The following SOBP variants were observed in gnomAD, a reference collection of about 807,000 sequenced individuals.
SOBP encodes the protein sine oculis binding protein homolog.
SOBP carries 4 observed loss-of-function variants against 53.6 expected under a neutral mutation model. The ratio of observed to expected loss-of-function variants is 0.07; its 90% CI spans 0.04 to 0.17. The LOEUF (loss-of-function observed/expected upper bound fraction) is 0.17, where lower values mean the gene tolerates loss of function less well. Ranked by LOEUF, SOBP falls within the 10% of genes least tolerant of loss-of-function variation. The pLI, the probability that SOBP is intolerant of heterozygous loss-of-function variation, is 1.00. For synonymous variants in SOBP, 584 were observed against 522.6 expected (o/e 1.12, Z -1.60); for missense variants, 1,088 against 1,204.7 (o/e 0.90, Z 1.43).
chr6:107,640,458 A>T (rs1479879240), intron 6 of SOBP, among the ~76,000 whole-genome samples: 1 of 152,206 alleles, frequency 6.6e-6, no homozygotes, highest in African/African-American at 2.4e-5. Flanking sequence ...TGGCACATAT[A>T]GTTCTAGGTA....
chr6:107,568,063 A>G (rs918837668), intron 4 of SOBP, among the ~76,000 whole-genome samples: 1 of 152,234 alleles, frequency 6.6e-6, no homozygotes, highest in African/African-American at 2.4e-5. Context: ...TTAGGTTTTT[A>G]TATACTGCTT....
At chr6:107,616,082 G>GGA (rs1786776711) in intron 5 of SOBP, among the ~76,000 whole-genome samples, 2 of 102,036 alleles carry the variant, frequency 2.0e-5, no homozygotes, top group African/African-American at 4.9e-5. Flanking sequence ...GAGGAAGGGG[G>GGA]GTGGGGGGGG....
Position 107,548,442 on chromosome 6 carries a change from T to C in SOBP, c.573+14832T>C, listed in dbSNP as rs555395575. On this transcript the variant is annotated intron_variant, in intron 4 of 6. Coordinates refer to ENST00000317357, the MANE Select transcript of SOBP (RefSeq NM_018013.4). ...TATTTTTAGTAGAGACAGGGTTTCA[T>C]TGTGTTAGCCAGGATGGTCTCCATC... 1.7e-3 allele frequency among the ~76,000 whole-genome samples: 256 copies of C among 151,972 alleles called. 1 individual carries two copies. Among genetic ancestry groups the C allele is most frequent in the African/African-American group, 4.4e-3 (181 of 41,496 alleles).
chr6:107,650,466 C>T (rs770018615), intron 6 of SOBP, among the ~76,000 whole-genome samples: 2 of 152,234 alleles, frequency 1.3e-5, no homozygotes, highest in African/African-American at 4.8e-5. Flanking sequence ...ATTTTTCCAA[C>T]AGCATGTGCT....
At chr6:107,558,864 AT>A (rs1784696314) in intron 4 of SOBP, among the ~76,000 whole-genome samples, 4 of 152,134 alleles carry the variant, frequency 2.6e-5, no homozygotes. Context: ...AGCAGTTGCC[AT>A]CTTCTCTAAA....
intron 4 of SOBP, among the ~76,000 whole-genome samples, chr6:107,563,116 G>A (rs1326643725): frequency 1.3e-5 from 2 of 151,880 alleles, no homozygotes; most frequent in Non-Finnish European, 2.9e-5. Context: ...AATTAGCTGG[G>A]CATGGTGGTG....
intron 3 of SOBP, among the ~76,000 whole-genome samples, chr6:107,522,537 CTTTTTT>C (rs71551313): frequency 4.0e-5 from 3 of 74,098 alleles, no homozygotes; most frequent in South Asian, 5.4e-4. Flanking sequence ...AGTATAAAAA[CTTTTTT>C]TTTTTTTTTT....
At chr6:107,569,125 A>G (rs370441441) in intron 4 of SOBP, among the ~76,000 whole-genome samples, 4 of 152,134 alleles carry the variant, frequency 2.6e-5, no homozygotes, top group African/African-American at 7.2e-5. Flanking sequence ...TAATATCCCA[A>G]ATATACAGGG....
At chr6:107,588,523 G>A (rs72945638) in intron 5 of SOBP, among the ~76,000 whole-genome samples, 11,509 of 152,144 alleles carry the variant, frequency 0.076, 452 homozygotes, top group Middle Eastern at 0.13. Context: ...TGTTCATTTC[G>A]GTTTTAATGT....
chr6:107,635,211 G>A lies in SOBP; in HGVS notation c.2367G>A (p.Lys789=), dbSNP rs374871542. 8 of 1,613,948 alleles carry A rather than the reference G, an allele frequency of 5.0e-6. No homozygotes were observed. The Middle Eastern group carries it at 6.6e-4, about 133-fold the overall frequency. ...ACCTGGACGGGGAGGCGGCCAAAAA[G>A]CTGATGGGCGAGGAGGCCCTGGCGG... is the stretch of plus-strand genomic sequence containing the variant. ...NCHLDGEAAK[K]LMGEEALAGG... The change falls in exon 6 of 7, where the codon AAG becomes AAA. Residue 789 remains lysine (K), a synonymous_variant. Transcript: ENST00000317357. The surrounding 1 kb of genome is among the most constrained non-coding windows in gnomAD (Gnocchi z 4.5).
rs80137552 is a variant in SOBP, at chr6:107,582,912, T to C, written c.574-4168T>C. Among the ~76,000 whole-genome samples the C allele has an allele frequency of 0.013, 1,935 of 152,290 alleles. 80 individuals carry two copies. The East Asian group carries it at 0.16, about 13-fold the overall frequency. ...TCTGCAGAGGATTTAAGAACAATAA[T>C]AAAACCAGCTAAAAGTTGGTCTGCT... On this transcript the variant is annotated intron_variant, in intron 4 of 6. Transcript: ENST00000317357.
rs527662378 is a variant in SOBP at position 107,637,988 on chromosome 6, C to T, written c.*3+2519C>T. On this transcript the variant is annotated intron_variant, in intron 6 of 6. Coordinates refer to ENST00000317357, the MANE Select transcript of SOBP (RefSeq NM_018013.4). ...CAATGATGGGTCCCCCAAGAAATTA[C>T]AGCTTTTCTTTAAAATCAGAAATAC... is the stretch of plus-strand genomic sequence containing the variant. Among the ~76,000 whole-genome samples the T allele has an allele frequency of 1.9e-3, 284 of 152,276 alleles. 1 individual carries two copies. Among genetic ancestry groups the T allele is most frequent in the African/African-American group, 6.3e-3 (263 of 41,558 alleles).
chr6:107,543,451 G>A (rs1408698207), intron 4 of SOBP, among the ~76,000 whole-genome samples: 1 of 152,242 alleles, frequency 6.6e-6, no homozygotes, highest in Non-Finnish European at 1.5e-5. Context: ...TGAATTGGGA[G>A]GGTGGGCTAT....
rs75733316 is a variant in SOBP at position 107,652,187 on chromosome 6, G to C, written c.*4-6020G>C. Among the ~76,000 whole-genome samples the C allele has an allele frequency of 4.1e-3, 628 of 152,214 alleles. 8 individuals are homozygous for C. Among genetic ancestry groups the C allele is most frequent in the African/African-American group, 0.014 (593 of 41,512 alleles). On this transcript the variant is annotated intron_variant, in intron 6 of 6. Coordinates refer to ENST00000317357, the MANE Select transcript of SOBP (RefSeq NM_018013.4). ...TGATAGTGATGCCTCTAACAGATTT[G>C]GGCAAAGTACATTGAAAATCTTCTG...
chr6:107,657,938 G>A (rs184087330), intron 6 of SOBP, among the ~76,000 whole-genome samples: 2 of 152,210 alleles, frequency 1.3e-5, no homozygotes, highest in Admixed American at 6.5e-5. Flanking sequence ...GGGTGAGGGC[G>A]TGGTGTACCC....
chr6:107,556,483 C>T (rs551517758), intron 4 of SOBP, among the ~76,000 whole-genome samples: 14 of 152,318 alleles, frequency 9.2e-5, no homozygotes, highest in African/African-American at 3.4e-4. Context: ...TTTCTAGAGA[C>T]CCATCTGATC....
intron 4 of SOBP, among the ~76,000 whole-genome samples, chr6:107,542,776 T>TG (rs1784186896): frequency 6.6e-6 from 1 of 152,082 alleles, no homozygotes; most frequent in African/African-American, 2.4e-5. Flanking sequence ...GTTTTTTTTT[T>TG]GGGCAAGGTG....
intron 5 of SOBP, among the ~76,000 whole-genome samples, chr6:107,613,396 A>G (rs970010357): frequency 2.6e-5 from 4 of 152,256 alleles, no homozygotes. Context: ...GATGGCAGAA[A>G]AACATTTATT....
At chr6:107,633,027 A>G (rs1359159906) in intron 5 of SOBP, among the ~76,000 whole-genome samples, 4 of 152,236 alleles carry the variant, frequency 2.6e-5, no homozygotes, top group Non-Finnish European at 5.9e-5. Context: ...TTAACACAGT[A>G]CACTCTTTCC....
Sources: gnomAD v4.1 joint callset for allele counts (sites outside exome capture counted in the v4.1 genomes callset) on GRCh38, gnomAD v4.1.1 for gene constraint, Gnocchi (gnomAD v3.1) non-coding constraint, MANE v1.5 for transcripts, NCBI Gene and HGNC (gene_info 2026-07-23, HGNC 2026-07-21) for gene names.